Variants in ABTB3 observed in about 807,000 individuals in gnomAD.
The protein encoded by ABTB3 is ankyrin repeat and BTB domain containing 3.
At chr12:107,424,858 T>G in the ABTB3 span, among the ~76,000 whole-genome samples, 1 of 152,164 alleles carries the variant, frequency 6.6e-6, no homozygotes, top group Non-Finnish European at 1.5e-5. Flanking sequence ...CACTTTCACA[T>G]GCAGGGTGAA....
the ABTB3 span, among the ~76,000 whole-genome samples, chr12:107,423,218 T>G: frequency 6.6e-6 from 1 of 152,216 alleles, no homozygotes. Context: ...AATAAGAATT[T>G]TTTCAATAAG....
the ABTB3 span, among the ~76,000 whole-genome samples, chr12:107,619,530 C>A: frequency 6.6e-6 from 1 of 152,166 alleles, no homozygotes; most frequent in Non-Finnish European, 1.5e-5. Context: ...CGGATGTGTT[C>A]CAGATCCTTG....
chr12:107,568,811 C>T, the ABTB3 span, among the ~76,000 whole-genome samples: 2 of 151,242 alleles, frequency 1.3e-5, no homozygotes, highest in East Asian at 3.9e-4. Flanking sequence ...CTAACGCCAC[C>T]CGTGAAGACA....
At chr12:107,587,295 G>A in the ABTB3 span, among the ~76,000 whole-genome samples, 1 of 152,246 alleles carries the variant, frequency 6.6e-6, no homozygotes, top group African/African-American at 2.4e-5. Context: ...AAGACGGGCT[G>A]CTGGCAGTGT....
chr12:107,384,093 G>A, the ABTB3 span, among the ~76,000 whole-genome samples: 3 of 152,192 alleles, frequency 2.0e-5, no homozygotes, highest in Admixed American at 6.5e-5. Flanking sequence ...GGAAACAAGC[G>A]TGCTCCTTGC....
At chr12:107,384,314 C>T in the ABTB3 span, among the ~76,000 whole-genome samples, 3 of 152,176 alleles carry the variant, frequency 2.0e-5, no homozygotes, top group African/African-American at 7.2e-5. Context: ...AGCCTGGCTC[C>T]ACAGCCAACA....
At chr12:107,542,754 ATGATATTCTTACCATAAGTAAGCT>A in the ABTB3 span, among the ~76,000 whole-genome samples, 8 of 152,338 alleles carry the variant, frequency 5.3e-5, no homozygotes, top group Non-Finnish European at 1.2e-4. Flanking sequence ...ATTCTTATAT[ATGATATTCTTACCATAAGTAAGCT>A]TGAGAAAAGA....
chr12:107,461,496 G>T, the ABTB3 span, among the ~76,000 whole-genome samples: 1 of 151,598 alleles, frequency 6.6e-6, no homozygotes, highest in Non-Finnish European at 1.5e-5. Flanking sequence ...GTCCCTCAGA[G>T]CCTCTGGAAG....
At chr12:107,500,256 C>T in the ABTB3 span, among the ~76,000 whole-genome samples, 4 of 152,204 alleles carry the variant, frequency 2.6e-5, no homozygotes, top group South Asian at 2.1e-4. Context: ...AGCCTGCGCC[C>T]GCTCCCCAGG....
At chr12:107,422,053 A>G in the ABTB3 span, among the ~76,000 whole-genome samples, 2 of 152,218 alleles carry the variant, frequency 1.3e-5, no homozygotes, top group African/African-American at 4.8e-5. Context: ...AAAATGCTAT[A>G]GAGAAAAGAA....
At chr12:107,561,726 C>T in the ABTB3 span, among the ~76,000 whole-genome samples, 3 of 152,098 alleles carry the variant, frequency 2.0e-5, no homozygotes, top group South Asian at 2.1e-4. Context: ...CTCCATAAAC[C>T]GCTCTCCCCG....
At chr12:107,651,839 G>A in the ABTB3 span, 1 of 1,508,738 alleles carries the variant, frequency 6.6e-7, no homozygotes, top group Non-Finnish European at 9.2e-7. Flanking sequence ...TGAAGCCGGG[G>A]AGGCTTTTCC....
chr12:107,332,386 A>G, the ABTB3 span, among the ~76,000 whole-genome samples: 38 of 152,308 alleles, frequency 2.5e-4, no homozygotes, highest in African/African-American at 8.4e-4. Flanking sequence ...TCTATGAGGC[A>G]GATATGGTTA....
chr12:107,507,982 T>C, the ABTB3 span, among the ~76,000 whole-genome samples: 5 of 152,238 alleles, frequency 3.3e-5, no homozygotes, highest in African/African-American at 1.2e-4. Flanking sequence ...ATTGAGAGTT[T>C]CTCAAGGGGA....
the ABTB3 span, among the ~76,000 whole-genome samples, chr12:107,462,727 A>G: frequency 2.0e-5 from 3 of 149,998 alleles, no homozygotes; most frequent in Non-Finnish European, 4.4e-5. Flanking sequence ...TAGTGGTGAC[A>G]GTGATGATGA....
At chr12:107,472,975 C>T in the ABTB3 span, among the ~76,000 whole-genome samples, 3 of 152,120 alleles carry the variant, frequency 2.0e-5, no homozygotes, top group Non-Finnish European at 4.4e-5. Context: ...TGTACCATTC[C>T]AGTGTCCTTG....
At chr12:107,489,859 C>A in the ABTB3 span, among the ~76,000 whole-genome samples, 1 of 151,964 alleles carries the variant, frequency 6.6e-6, no homozygotes, top group African/African-American at 2.4e-5. Flanking sequence ...AACTCCTGGG[C>A]TCAAGCGACC....
At chr12:107,391,052 G>T in the ABTB3 span, among the ~76,000 whole-genome samples, 1 of 152,232 alleles carries the variant, frequency 6.6e-6, no homozygotes, top group Non-Finnish European at 1.5e-5. Flanking sequence ...TTGGGAGGCT[G>T]AGGCAGGAGA....
At chr12:107,610,350 G>A in the ABTB3 span, 4 of 1,614,060 alleles carry the variant, frequency 2.5e-6, no homozygotes, top group Non-Finnish European at 3.4e-6. Context: ...CACCATGAGC[G>A]AACAGGTACA....
Sources: gnomAD v4.1 joint callset for allele counts (sites outside exome capture counted in the v4.1 genomes callset) on GRCh38, gnomAD v4.1.1 for gene constraint, MANE v1.5 for transcripts, NCBI Gene and HGNC (gene_info 2026-07-23, HGNC 2026-07-21) for gene names.